The following AVEN variants were observed in gnomAD, a reference collection of about 807,000 sequenced individuals.
AVEN encodes apoptosis and caspase activation inhibitor, also known as cell death regulator Aven.
AVEN carries 41 observed loss-of-function variants against 38.1 expected under a neutral mutation model. The ratio of observed to expected loss-of-function variants is 1.08; its 90% CI spans 0.84 to 1.40. The LOEUF (loss-of-function observed/expected upper bound fraction) is 1.40, where lower values mean the gene tolerates loss of function less well. Ranked by LOEUF, AVEN falls within the 40% of genes most tolerant of loss-of-function variation. The pLI, the probability that AVEN is intolerant of heterozygous loss-of-function variation, is 0.00. For missense variants in AVEN, 605 were observed against 438.8 expected (o/e 1.38, Z -3.38); for synonymous variants, 206 against 171.8 (o/e 1.20, Z -1.56).
chr15:33,943,047 A>G lies in AVEN; in HGVS notation c.445+59985T>C, dbSNP rs905692150. ...TGGTGCAACTGCTATAGAAAACAGT[A>G]AGGAAGTTCCTCAAGAAATCCAAAA... On this transcript the variant is annotated intron_variant, in intron 2 of 5. Transcript: ENST00000306730. 3.9e-5 allele frequency among the ~76,000 whole-genome samples: 6 copies of G among 152,222 alleles called. No individual in the cohort carries two copies. The South Asian group carries it at 8.3e-4, about 21-fold the overall frequency.
At chr15:33,881,569 A>T (rs575589722) in intron 2 of AVEN, among the ~76,000 whole-genome samples, 1 of 152,328 alleles carries the variant, frequency 6.6e-6, no homozygotes, top group South Asian at 2.1e-4. Context: ...TCTGATTCTC[A>T]CATTGAAGAT....
At chr15:34,017,378 C>A (rs553829401) in intron 1 of AVEN, among the ~76,000 whole-genome samples, 1 of 151,912 alleles carries the variant, frequency 6.6e-6, no homozygotes, top group Non-Finnish European at 1.5e-5. Context: ...GAGAAAATAT[C>A]AATCACCTAA....
intron 1 of AVEN, chr15:34,006,933 G>A (rs1859857044): frequency 2.6e-6 from 1 of 390,196 alleles, no homozygotes; most frequent in Non-Finnish European, 3.5e-6. Flanking sequence ...AAAGAACAGA[G>A]CAAATAAAAT....
chr15:33,949,893 C>T (rs979575961), intron 2 of AVEN, among the ~76,000 whole-genome samples: 1 of 152,040 alleles, frequency 6.6e-6, no homozygotes, highest in Non-Finnish European at 1.5e-5. Context: ...ATCAGTATCT[C>T]GAAAAGATAC....
Position 33,907,858 on chromosome 15 carries a change from A to C in AVEN, c.446-31863T>G, listed in dbSNP as rs920238126. Among the ~76,000 whole-genome samples, 11 of 152,260 alleles carry C rather than the reference A, an allele frequency of 7.2e-5. No individual in the cohort carries two copies. The East Asian group carries it at 2.1e-3, about 29-fold the overall frequency. ...AAAGTTAAGAGTGCTAGAAGAAAAA[A>C]ATGGGTGAAATGTATTATCTTTTAT... On this transcript the variant is annotated intron_variant, in intron 2 of 5. Transcript: ENST00000306730.
chr15:33,861,741 GTC>G (rs1273536710), downstream of AVEN, among the ~76,000 whole-genome samples: 1 of 152,094 alleles, frequency 6.6e-6, no homozygotes, highest in East Asian at 1.9e-4. Flanking sequence ...GCCTCATCAT[GTC>G]TGTCTTTTCT....
At chr15:34,033,484 T>TA (rs1250977156) in intron 1 of AVEN, among the ~76,000 whole-genome samples, 1 of 145,320 alleles carries the variant, frequency 6.9e-6, no homozygotes, top group Non-Finnish European at 1.5e-5. Flanking sequence ...CCAGCCTGGG[T>TA]AACAGAGCGA....
intron 2 of AVEN, among the ~76,000 whole-genome samples, chr15:33,964,922 T>C (rs1166208766): frequency 2.0e-5 from 3 of 152,194 alleles, no homozygotes; most frequent in Non-Finnish European, 1.5e-5. Context: ...TGAATGATGG[T>C]TATTCTCAGT....
At chr15:33,874,265 A>G (rs1280170030) in intron 3 of AVEN, among the ~76,000 whole-genome samples, 1 of 152,124 alleles carries the variant, frequency 6.6e-6, no homozygotes, top group Non-Finnish European at 1.5e-5. Flanking sequence ...AGGTGAAGCA[A>G]TAGAGAAGGA....
intron 4 of AVEN, among the ~76,000 whole-genome samples, chr15:33,870,644 T>TA (rs1333350283): frequency 6.6e-6 from 1 of 152,194 alleles, no homozygotes; most frequent in Non-Finnish European, 1.5e-5. Context: ...GTGCCGAACA[T>TA]AGAGCGTGAT....
intron 3 of AVEN, among the ~76,000 whole-genome samples, chr15:33,873,319 C>T (rs140737907): frequency 0.019 from 2,869 of 150,216 alleles, 99 homozygotes; most frequent in African/African-American, 0.066. Flanking sequence ...AGGCTGGTCT[C>T]GAACTCCTGA....
intron 1 of AVEN, among the ~76,000 whole-genome samples, chr15:34,003,861 CATGTT>C (rs1897231110): frequency 1.3e-5 from 2 of 152,146 alleles, no homozygotes; most frequent in Non-Finnish European, 2.9e-5. Context: ...GAAATAAATA[CATGTT>C]ATGACCAGAA....
At chr15:33,938,757 A>G (rs1894198512) in intron 2 of AVEN, among the ~76,000 whole-genome samples, 1 of 152,244 alleles carries the variant, frequency 6.6e-6, no homozygotes, top group Non-Finnish European at 1.5e-5. Flanking sequence ...TATAAATTTA[A>G]AAACTCCAGA....
At chr15:34,023,542 G>A (rs372385779) in intron 1 of AVEN, among the ~76,000 whole-genome samples, 1 of 152,154 alleles carries the variant, frequency 6.6e-6, no homozygotes, top group African/African-American at 2.4e-5. Context: ...TGCAAAACCT[G>A]AGATTCAGTG....
At chr15:33,997,784 GC>G (rs1756638236) in intron 2 of AVEN, among the ~76,000 whole-genome samples, 1 of 151,796 alleles carries the variant, frequency 6.6e-6, no homozygotes, top group South Asian at 2.1e-4. Flanking sequence ...CATTTGCTCT[GC>G]TAAACTGTAA....
chr15:34,039,631 G>A (rs1899381082), upstream of AVEN, among the ~76,000 whole-genome samples: 2 of 152,112 alleles, frequency 1.3e-5, no homozygotes, highest in African/African-American at 2.4e-5. Flanking sequence ...GGTGAGAGGT[G>A]GACTGCAGCA....
intron 1 of AVEN, among the ~76,000 whole-genome samples, chr15:34,016,446 C>T (rs969357016): frequency 2.6e-5 from 4 of 152,150 alleles, no homozygotes; most frequent in Non-Finnish European, 5.9e-5. Context: ...CTTCCTGGTA[C>T]TTGATTCTCT....
chr15:33,905,130 C>CAAAAAA (rs71117197), intron 2 of AVEN, among the ~76,000 whole-genome samples: 1 of 121,290 alleles, frequency 8.2e-6, no homozygotes, highest in African/African-American at 3.4e-5. Context: ...ACTCCGTCTC[C>CAAAAAA]AAAAAAAAAA....
intron 2 of AVEN, among the ~76,000 whole-genome samples, chr15:33,887,665 C>T (rs1891758423): frequency 6.6e-6 from 1 of 152,066 alleles, no homozygotes; most frequent in African/African-American, 2.4e-5. Flanking sequence ...CAAGAGAAGA[C>T]TACATGAAAC....
Sources: allele counts gnomAD v4.1 joint callset (sites outside exome capture counted in the v4.1 genomes callset), GRCh38; gene constraint gnomAD v4.1.1; transcripts MANE v1.5; gene names NCBI Gene and HGNC (gene_info 2026-07-23, HGNC 2026-07-21).